Variants in SMARCB1 observed in about 807,000 individuals in gnomAD.
The protein encoded by SMARCB1 is SWI/SNF related BAF chromatin remodeling complex subunit B1.
In SMARCB1, 5 loss-of-function variants were observed where a neutral mutation model predicts 49.0. The observed-to-expected ratio is 0.10, with a 90% CI of 0.05 to 0.21. The LOEUF is 0.21. SMARCB1 is among the 10% of genes least tolerant of loss of function. The probability of loss-of-function intolerance (pLI) is 1.00; values close to 1 mark genes in which losing one functional copy is unlikely to be tolerated. For missense variants in SMARCB1, 226 were observed against 509.2 expected (o/e 0.44, Z 5.35); for synonymous variants, 201 against 200.1 (o/e 1.00, Z -0.04).
chr22:23,835,421 G>A lies in SMARCB1; in HGVS notation c.*1241G>A. ...CAGGGCTAGGGTCAGAGGCTGCTGTGCTCCCTGGAAGTGGGGTAGGGCCCC... is the reference window on the plus strand; with the variant it reads ...CAGGGCTAGGGTCAGAGGCTGCTGTACTCCCTGGAAGTGGGGTAGGGCCCC... On this transcript the variant is annotated 3_prime_UTR_variant, in exon 9 of 9. Transcript: ENST00000644036. The A allele has an allele frequency of 1.0e-6, 1 of 987,010 alleles. No homozygotes were observed. The highest frequency in any genetic ancestry group is 1.2e-6 in the Non-Finnish European group (1 of 831,072). 61.1% of individuals were successfully genotyped at this position (987,010 alleles called of 1,614,324 possible).
rs150722737 is a variant in SMARCB1, at chr22:23,825,362, C to G, written c.933C>G (p.Ile311Met). ...TGGGCGGGGAGTTTGTCACCACCAT[C>G]GCATACAGCATCCGGGGACAGCTGA... ...LGLGGEFVTT[I>M]AYSIRGQLSW... Residue 311 changes from isoleucine (I) to methionine (M), a missense_variant, in exon 7 of 9, where the codon ATC becomes ATG. Ile to Met is a conservative substitution (Grantham distance 10, BLOSUM62 1). Around this residue, in one of 6 missense-constraint regions of SMARCB1, gnomAD observed 35 missense variants for 107.2 expected, o/e 0.33. Coordinates refer to ENST00000644036, the MANE Select transcript of SMARCB1 (RefSeq NM_003073.5). 2 of 1,614,144 alleles carry G rather than the reference C, an allele frequency of 1.2e-6. No homozygotes were observed. Among genetic ancestry groups the G allele is most frequent in the South Asian group, 1.1e-5 (1 of 91,084 alleles).
At position 23,835,535 on chromosome 22, in the gene SMARCB1, A is replaced by G. The variant is rs1280454752; in HGVS notation, c.*1355A>G. ...AGGGCTCCTTTGAGCACATGTTAGC[A>G]TGGGACTCTTCCCAGGGAGTTTGCA... On this transcript the variant is annotated 3_prime_UTR_variant, in exon 9 of 9. Coordinates refer to ENST00000644036, the MANE Select transcript of SMARCB1 (RefSeq NM_003073.5). 9 of 985,508 alleles carry G rather than the reference A, an allele frequency of 9.1e-6. No individual in the cohort carries two copies. The highest frequency in any genetic ancestry group is 1.1e-4 in the East Asian group (1 of 8,814). The allele number at this position is 985,508 out of a possible 1,614,324, so 61.0% of individuals were successfully genotyped here.
intron 5 of SMARCB1, among the ~76,000 whole-genome samples, chr22:23,810,368 T>C (rs1333906796): frequency 6.7e-6 from 1 of 149,504 alleles, no homozygotes; most frequent in African/African-American, 2.5e-5. Context: ...CTACTAAAAA[T>C]ACAAAAACAA....
intron 1 of SMARCB1, among the ~76,000 whole-genome samples, chr22:23,790,229 C>T (rs149436041): frequency 1.3e-5 from 2 of 152,244 alleles, no homozygotes; most frequent in African/African-American, 4.8e-5. Flanking sequence ...TTTTAAAAAA[C>T]CTAATGGAAA....
chr22:23,809,275 CT>C (rs1259830307), intron 5 of SMARCB1, among the ~76,000 whole-genome samples: 6,615 of 134,196 alleles, frequency 0.049, 142 homozygotes, highest in East Asian at 0.12. Context: ...ATTGGACATT[CT>C]TTTTTTTTTT....
At chr22:23,794,254 T>A (rs901677000) in intron 3 of SMARCB1, among the ~76,000 whole-genome samples, 5 of 152,376 alleles carry the variant, frequency 3.3e-5, no homozygotes, top group Non-Finnish European at 4.4e-5. Flanking sequence ...GATTTTTGTA[T>A]TGAAACACTT....
intron 6 of SMARCB1, chr22:23,824,791 G>T: frequency 4.3e-6 from 1 of 230,926 alleles, no homozygotes; most frequent in East Asian, 9.9e-5. Context: ...TCCGAGAGGG[G>T]CAAGCTCTGT....
At chr22:23,808,608 T>G (rs1929669111) in intron 5 of SMARCB1, among the ~76,000 whole-genome samples, 1 of 151,956 alleles carries the variant, frequency 6.6e-6, no homozygotes, top group African/African-American at 2.4e-5. Context: ...AGTGGCAGGA[T>G]ATTTTTCAAG....
At chr22:23,816,240 C>T (rs958687413) in intron 5 of SMARCB1, 10 of 187,494 alleles carry the variant, frequency 5.3e-5, no homozygotes, top group African/African-American at 1.2e-4. Flanking sequence ...TTCCAGGATC[C>T]GGGATCTGTA....
chr22:23,804,306 GCAGTC>G (rs1267505064), intron 5 of SMARCB1: 3 of 151,778 alleles, frequency 2.0e-5, no homozygotes, highest in African/African-American at 7.3e-5. Flanking sequence ...CTGGGCTCAA[GCAGTC>G]CTCCTGCCAC....
chr22:23,808,019 G>T (rs8137279), intron 5 of SMARCB1, among the ~76,000 whole-genome samples: 1 of 147,782 alleles, frequency 6.8e-6, no homozygotes, highest in Admixed American at 6.8e-5. Context: ...ACAGTGGTGC[G>T]ATCTCAGTTC....
chr22:23,813,767 A>G (rs1463755343), intron 5 of SMARCB1, among the ~76,000 whole-genome samples: 1 of 152,138 alleles, frequency 6.6e-6, no homozygotes, highest in African/African-American at 2.4e-5. Context: ...TGTAGATAAG[A>G]TGGTTCTAAG....
At chr22:23,830,760 C>G (rs1246851667) in intron 7 of SMARCB1, among the ~76,000 whole-genome samples, 1 of 144,302 alleles carries the variant, frequency 6.9e-6, no homozygotes, top group Non-Finnish European at 1.5e-5. Context: ...CTCCTGAGTT[C>G]AAGTGATTCT....
intron 5 of SMARCB1, 35 bp downstream of exon 5, chr22:23,803,457 C>T: frequency 6.2e-7 from 1 of 1,612,432 alleles, no homozygotes; most frequent in Non-Finnish European, 8.5e-7. Context: ...GGCCTGGCCC[C>T]AACCCCTGTG....
intron 1 of SMARCB1, among the ~76,000 whole-genome samples, chr22:23,790,225 A>G (rs1188635853): frequency 6.6e-6 from 1 of 152,128 alleles, no homozygotes; most frequent in Non-Finnish European, 1.5e-5. Flanking sequence ...TTTCTTTTAA[A>G]AAACCTAATG....
chr22:23,829,985 AG>A (rs2030573048), intron 7 of SMARCB1, among the ~76,000 whole-genome samples: 2 of 152,218 alleles, frequency 1.3e-5, no homozygotes, highest in South Asian at 4.1e-4. Context: ...ATCTTTTATC[AG>A]GACTTCATTC....
At chr22:23,818,171 TG>T (rs1405831375) in intron 6 of SMARCB1, 1 of 126,636 alleles carries the variant, frequency 7.9e-6, no homozygotes, top group Non-Finnish European at 1.6e-5. Context: ...TGTGTGTGTG[TG>T]TGTCGCAGTC....
At position 23,834,839 on chromosome 22, in the gene SMARCB1, C is replaced by T. The variant is rs773918441; in HGVS notation, c.*659C>T. ...CCCTTGCTTGGCCTCAGGAAGGTGCCGCGAGCTCTCCTGCCGTCCCTGGGC... is the reference window on the plus strand; with the variant it reads ...CCCTTGCTTGGCCTCAGGAAGGTGCTGCGAGCTCTCCTGCCGTCCCTGGGC... On this transcript the variant is annotated 3_prime_UTR_variant, in exon 9 of 9. Transcript: ENST00000644036. 3.3e-5 allele frequency: 53 copies of T among 1,611,720 alleles called. No individual in the cohort carries two copies. Among genetic ancestry groups the T allele is most frequent in the East Asian group, 6.7e-5 (3 of 44,888 alleles).
intron 6 of SMARCB1, 107 bp downstream of exon 6, chr22:23,817,043 T>C (rs904435061): frequency 6.8e-6 from 6 of 885,344 alleles, no homozygotes; most frequent in African/African-American, 4.9e-5. Flanking sequence ...CGTCTTTGGG[T>C]TCCATATCAT....
Sources: gnomAD v4.1 joint callset for allele counts (sites outside exome capture counted in the v4.1 genomes callset) on GRCh38, gnomAD v4.1.1 for gene constraint, gnomAD v4.1.1 regional missense constraint, MANE v1.5 for transcripts, NCBI Gene and HGNC (gene_info 2026-07-23, HGNC 2026-07-21) for gene names.